RBKS: variants seen among roughly 807,000 people sequenced by gnomAD.
The protein encoded by RBKS is ribokinase.
RBKS carries 33 observed loss-of-function variants against 33.9 expected under a neutral mutation model. The ratio of observed to expected loss-of-function variants is 0.97; its 90% CI spans 0.74 to 1.30. The LOEUF (loss-of-function observed/expected upper bound fraction) is 1.30, where lower values mean the gene tolerates loss of function less well. Ranked by LOEUF, RBKS falls within the 50% of genes most tolerant of loss-of-function variation. The pLI is 0.00. For synonymous variants in RBKS, 125 were observed against 143.0 expected, an observed-to-expected ratio of 0.87 and a Z score of 0.90; for missense variants, 361 against 392.6, an observed-to-expected ratio of 0.92 and a Z score of 0.68.
At chr2:27,796,575 T>TTGAGGAAGC (rs1677670275) in intron 7 of RBKS, among the ~76,000 whole-genome samples, 1 of 152,086 alleles carries the variant, frequency 6.6e-6, no homozygotes, top group African/African-American at 2.4e-5. Context: ...GTGGTGCCCA[T>TTGAGGAAGC]TGAGGAAGCT....
chr2:27,789,568 T>A (rs570944943), intron 7 of RBKS, among the ~76,000 whole-genome samples: 4 of 151,846 alleles, frequency 2.6e-5, no homozygotes, highest in Non-Finnish European at 4.4e-5. Flanking sequence ...CTGGCCTTTT[T>A]AAAAAATTTT....
At chr2:27,806,641 G>A (rs1677901187) in intron 7 of RBKS, among the ~76,000 whole-genome samples, 1 of 152,220 alleles carries the variant, frequency 6.6e-6, no homozygotes, top group Non-Finnish European at 1.5e-5. Flanking sequence ...GCAGTCCTCT[G>A]GGGAGGCCAT....
chr2:27,858,755 A>C (rs1255514639), intron 1 of RBKS, among the ~76,000 whole-genome samples, 184 bp from the exon 2 acceptor site: 2 of 152,192 alleles, frequency 1.3e-5, no homozygotes. Flanking sequence ...CATCATTATC[A>C]AGAATGAGTC....
chr2:27,847,998 T>A (rs1297092307), intron 3 of RBKS, 36 bp downstream of exon 3: 5 of 1,163,850 alleles, frequency 4.3e-6, no homozygotes, highest in Non-Finnish European at 6.3e-6. Flanking sequence ...AGAAAAAAGC[T>A]ATAAACACTA....
At chr2:27,794,785 G>A (rs1677635514) in intron 7 of RBKS, among the ~76,000 whole-genome samples, 3 of 151,896 alleles carry the variant, frequency 2.0e-5, no homozygotes, top group Non-Finnish European at 2.9e-5. Flanking sequence ...CACCACGCCC[G>A]GCTAATTTTT....
At chr2:27,803,988 GCTGAGATCACACCA>G (rs1286844805) in intron 7 of RBKS, among the ~76,000 whole-genome samples, 1 of 152,178 alleles carries the variant, frequency 6.6e-6, no homozygotes, top group Non-Finnish European at 1.5e-5. Flanking sequence ...GTTGTTGTAA[GCTGAGATCACACCA>G]CTGCACTTCA....
chr2:27,852,337 G>C (rs1663766992), intron 2 of RBKS, among the ~76,000 whole-genome samples: 1 of 152,144 alleles, frequency 6.6e-6, no homozygotes, highest in South Asian at 2.1e-4. Flanking sequence ...TCCACATGTG[G>C]CTAGTGGCTT....
chr2:27,853,425 A>G (rs1663790830), intron 2 of RBKS, among the ~76,000 whole-genome samples: 1 of 151,488 alleles, frequency 6.6e-6, no homozygotes, highest in Admixed American at 6.6e-5. Context: ...TTGGGAGGCC[A>G]AGGCAGGCAG....
chr2:27,871,767 C>G (rs1316631258), intron 1 of RBKS, among the ~76,000 whole-genome samples: 1 of 152,202 alleles, frequency 6.6e-6, no homozygotes, highest in Non-Finnish European at 1.5e-5. Context: ...CCACCAGATA[C>G]AGCTTAATTG....
chr2:27,887,976 T>C (rs1219685395), intron 1 of RBKS, among the ~76,000 whole-genome samples: 1 of 152,078 alleles, frequency 6.6e-6, no homozygotes. Context: ...TTGACACCAC[T>C]CCCCTACCCC....
At chr2:27,808,952 G>C (rs1339225732) in intron 7 of RBKS, among the ~76,000 whole-genome samples, 1 of 152,148 alleles carries the variant, frequency 6.6e-6, no homozygotes, top group African/African-American at 2.4e-5. Flanking sequence ...CCAGGAATGG[G>C]AACTGGAGAT....
chr2:27,873,700 T>G (rs1008955990), intron 1 of RBKS, among the ~76,000 whole-genome samples: 4 of 152,200 alleles, frequency 2.6e-5, no homozygotes, highest in Non-Finnish European at 5.9e-5. Context: ...TAAAATATAA[T>G]TTTTAAAGGG....
intron 7 of RBKS, among the ~76,000 whole-genome samples, chr2:27,797,120 T>C (rs894080709): frequency 3.9e-5 from 6 of 152,236 alleles, no homozygotes; most frequent in African/African-American, 1.4e-4. Flanking sequence ...AGCTTTTGTT[T>C]TGAGGCTCTG....
chr2:27,883,458 C>G (rs1168076837), intron 1 of RBKS, among the ~76,000 whole-genome samples: 1 of 152,202 alleles, frequency 6.6e-6, no homozygotes, highest in African/African-American at 2.4e-5. Flanking sequence ...CTCGGCCTCC[C>G]AAAGTGCTGG....
chr2:27,816,437 A>C (rs1190564588), intron 7 of RBKS, among the ~76,000 whole-genome samples: 1 of 152,122 alleles, frequency 6.6e-6, no homozygotes, highest in South Asian at 2.1e-4. Context: ...CAGAGTGTGC[A>C]GAGTTTTACT....
At chr2:27,864,903 C>T (rs1457342964) in intron 1 of RBKS, among the ~76,000 whole-genome samples, 8 of 152,202 alleles carry the variant, frequency 5.3e-5, no homozygotes, top group African/African-American at 9.6e-5. Flanking sequence ...GTAAACAAAT[C>T]CTCTCAGGGA....
chr2:27,784,619 C>A (rs970715698), intron 7 of RBKS, among the ~76,000 whole-genome samples: 5 of 152,108 alleles, frequency 3.3e-5, no homozygotes, highest in African/African-American at 1.2e-4. Flanking sequence ...AGAAGGCAGA[C>A]CTCAAAGAAT....
In RBKS at chr2:27,827,748, A is replaced by G. The variant is rs1057296145; in HGVS notation, c.614T>C (p.Ile205Thr). 3.7e-6 allele frequency: 6 copies of G among 1,600,690 alleles called. No individual in the cohort carries two copies. The African/African-American group carries it at 8.1e-5, about 22-fold the overall frequency. Reference protein sequence around the residue: ...VFCCNESEAEILTGLTVGSAA... With the variant: ...VFCCNESEAETLTGLTVGSAA... ...GCTGCCCACCGTGAGGCCAGTTAAA[A>G]TCTCAGCCTAGAATACACAAAAGTC... is the stretch of plus-strand genomic sequence containing the variant. Residue 205 changes from isoleucine (I) to threonine (T), a missense_variant, in exon 7 of 8, where the codon ATT becomes ACT. Ile to Thr is a moderately conservative substitution (Grantham distance 89). Transcript: ENST00000302188.
Position 27,847,117 on chromosome 2 carries a change from A to T in RBKS, c.287-13T>A, listed in dbSNP as rs769654903. 43 of 1,501,856 alleles carry T rather than the reference A, an allele frequency of 2.9e-5. No individual in the cohort carries two copies. Among genetic ancestry groups the T allele is most frequent in the Non-Finnish European group, 3.3e-5 (36 of 1,079,000 alleles). 93.0% of individuals were successfully genotyped at this position (1,501,856 alleles called of 1,614,324 possible). On this transcript the variant is annotated splice_polypyrimidine_tract_variant and intron_variant, in intron 3 of 7. Coordinates refer to ENST00000302188, the MANE Select transcript of RBKS (RefSeq NM_022128.3). ...TGATATGTAAATTCTGAAAGAAAAA[A>T]GAAAATTACAATCACATGTATACAG...
Sources: gnomAD v4.1 joint callset for allele counts (sites outside exome capture counted in the v4.1 genomes callset) on GRCh38, gnomAD v4.1.1 for gene constraint, MANE v1.5 for transcripts, NCBI Gene and HGNC (gene_info 2026-07-23, HGNC 2026-07-21) for gene names.